The following CYTH3 variants were observed in gnomAD, a reference collection of about 807,000 sequenced individuals.
CYTH3 encodes cytohesin-3.
CYTH3 carries 23 observed loss-of-function variants against 55.1 expected under a neutral mutation model. That is an observed-to-expected ratio of 0.42 (90% CI 0.30 to 0.59). CYTH3 has a LOEUF of 0.59. Ranked by LOEUF, CYTH3 falls within the 20% of genes least tolerant of loss-of-function variation. The pLI is 0.20. For missense variants in CYTH3, 413 were observed against 524.8 expected (o/e 0.79, Z 2.08); for synonymous variants, 249 against 194.9 (o/e 1.28, Z -2.31).
rs370361107 is a variant in CYTH3 at position 6,183,954 on chromosome 7, C to A, written c.249+3096G>T. 1.3e-4 allele frequency among the ~76,000 whole-genome samples: 19 copies of A among 151,316 alleles called. No homozygotes were observed. In the East Asian group the frequency reaches 3.7e-3, roughly 29 times the overall value. On this transcript the variant is annotated intron_variant, in intron 4 of 12. Transcript: ENST00000350796. ...TAGCAAGCCAGGAAGAGAGCCCTCA[C>A]CAGACACCAATCATGCTGGCACCCT...
chr7:6,177,833 G>A lies in CYTH3; in HGVS notation c.358C>T (p.Leu120=). Residue 120 remains leucine (L), a synonymous_variant, in exon 5 of 13, where the codon CTG becomes TTG. Coordinates refer to ENST00000350796, the MANE Select transcript of CYTH3 (RefSeq NM_004227.4). ...CCTCCTCTAACTCACCTTTCACCCA[G>A]GTAGTCCCCAATGACGGTCTTATTT... ...GLNKTVIGDY[L]GERDEFNIKV... 6.2e-7 allele frequency: 1 copy of A among 1,613,500 alleles called. No individual in the cohort carries two copies. The highest frequency in any genetic ancestry group is 8.5e-7 in the Non-Finnish European group (1 of 1,179,450).
In CYTH3 at chr7:6,165,329, C is replaced by G; in HGVS notation, c.1071G>C (p.Val357=). The part of the protein sequence containing the change: ...DGRVVEGNHV[V]YRISAPSPEE... ...CCGGGCTCGGGGCTGAGATCCGGTA[C>G]ACCACATGGTTCCCCTCTACCACGC... Residue 357 remains valine, a synonymous_variant, in exon 12 of 13, where the codon GTG becomes GTC. Coordinates refer to ENST00000350796, the MANE Select transcript of CYTH3 (RefSeq NM_004227.4). 6.2e-7 allele frequency: 1 copy of G among 1,614,118 alleles called. No individual in the cohort carries two copies. Among genetic ancestry groups the G allele is most frequent in the East Asian group, 2.2e-5 (1 of 44,866 alleles).
intron 5 of CYTH3, among the ~76,000 whole-genome samples, chr7:6,175,240 T>C (rs1265250913): frequency 6.6e-6 from 1 of 151,756 alleles, no homozygotes; most frequent in Admixed American, 6.6e-5. Context: ...GCAGTGGGAG[T>C]GGGGAAGGAA....
chr7:6,267,531 A>G (rs1303317928), intron 1 of CYTH3, among the ~76,000 whole-genome samples: 2 of 152,108 alleles, frequency 1.3e-5, no homozygotes, highest in Admixed American at 1.3e-4. Context: ...TCTTCCCAGA[A>G]TATTTTGTTT....
chr7:6,180,415 G>C (rs1027831745), intron 4 of CYTH3, among the ~76,000 whole-genome samples: 1 of 152,234 alleles, frequency 6.6e-6, no homozygotes, highest in Non-Finnish European at 1.5e-5. Flanking sequence ...ATGAGACAGA[G>C]AGGAGAAGGT....
At chr7:6,230,302 G>A (rs1446263749) in intron 1 of CYTH3, among the ~76,000 whole-genome samples, 1 of 152,136 alleles carries the variant, frequency 6.6e-6, no homozygotes, top group African/African-American at 2.4e-5. Flanking sequence ...TGGTGCCTCA[G>A]CTGGAAACTT....
At chr7:6,254,730 G>A (rs1024741849) in intron 1 of CYTH3, among the ~76,000 whole-genome samples, 9 of 152,182 alleles carry the variant, frequency 5.9e-5, no homozygotes, top group African/African-American at 1.4e-4. Flanking sequence ...GATTATAGGC[G>A]TGAGCCATCG....
At chr7:6,208,650 C>G (rs1784254307) in intron 1 of CYTH3, among the ~76,000 whole-genome samples, 1 of 152,242 alleles carries the variant, frequency 6.6e-6, no homozygotes, top group Non-Finnish European at 1.5e-5. Flanking sequence ...CTCAGGCAAT[C>G]ACCCTGCCTC....
chr7:6,234,401 G>C (rs1456178381), intron 1 of CYTH3, among the ~76,000 whole-genome samples: 1 of 152,240 alleles, frequency 6.6e-6, no homozygotes, highest in East Asian at 1.9e-4. Context: ...GAGCCACAGA[G>C]CCTATTGGAG....
chr7:6,214,034 T>A (rs1055240933), intron 1 of CYTH3, among the ~76,000 whole-genome samples: 1 of 152,200 alleles, frequency 6.6e-6, no homozygotes, highest in African/African-American at 2.4e-5. Context: ...TCAGAAGACA[T>A]ATTTTGATTC....
intron 1 of CYTH3, among the ~76,000 whole-genome samples, chr7:6,229,549 C>T (rs1779334042): frequency 6.6e-6 from 1 of 151,826 alleles, no homozygotes; most frequent in Admixed American, 6.6e-5. Context: ...GTGGTTCACG[C>T]CTGTAATCCC....
chr7:6,175,604 A>G (rs982338407), intron 5 of CYTH3, among the ~76,000 whole-genome samples: 9 of 144,430 alleles, frequency 6.2e-5, no homozygotes, highest in African/African-American at 1.0e-4. Context: ...CTGGAGTCCA[A>G]TAACATGATT....
At position 6,169,621 on chromosome 7, in the gene CYTH3, C is replaced by A. The variant is rs1056172271; in HGVS notation, c.823+914G>T. Among the ~76,000 whole-genome samples, 1 of 152,212 alleles carries A rather than the reference C, an allele frequency of 6.6e-6. No individual in the cohort carries two copies. The highest frequency in any genetic ancestry group is 6.6e-5 in the Admixed American group (1 of 15,266). ...GTGAACCCAGCTACCGCATCTCGCC[C>A]GCTTCACTGTGGGCATAAGGCAACC... On this transcript the variant is annotated intron_variant, in intron 9 of 12. Transcript: ENST00000350796. This position sits in a 1 kb window ranked among gnomAD's most constrained non-coding sequence, Gnocchi z 4.1.
rs74562155 is a variant in CYTH3 at position 6,169,413 on chromosome 7, A to G, written c.823+1122T>C. On this transcript the variant is annotated intron_variant, in intron 9 of 12. Coordinates refer to ENST00000350796, the MANE Select transcript of CYTH3 (RefSeq NM_004227.4). This position sits in a 1 kb window ranked among gnomAD's most constrained non-coding sequence, Gnocchi z 4.1. Reference sequence around the variant, plus strand: ...TTTTTTGTAAAGATGGGGTTTCACTATATTGCCCAGGTGGTCTGAAGCTCC... The same window carrying G: ...TTTTTTGTAAAGATGGGGTTTCACTGTATTGCCCAGGTGGTCTGAAGCTCC... Among the ~76,000 whole-genome samples the G allele has an allele frequency of 7.7e-3, 1,175 of 152,104 alleles. 11 individuals are homozygous for G. The highest frequency in any genetic ancestry group is 0.026 in the African/African-American group (1,086 of 41,472).
chr7:6,255,088 C>G (rs574655819), intron 1 of CYTH3, among the ~76,000 whole-genome samples: 1 of 152,166 alleles, frequency 6.6e-6, no homozygotes, highest in African/African-American at 2.4e-5. Flanking sequence ...CTATTACAAT[C>G]GTCGAGATTT....
chr7:6,219,025 A>AC (rs1784488120), intron 1 of CYTH3, among the ~76,000 whole-genome samples: 1 of 150,296 alleles, frequency 6.7e-6, no homozygotes, highest in African/African-American at 2.5e-5. Flanking sequence ...AAAAAAAAAA[A>AC]AACTGCCACT....
intron 10 of CYTH3, 31 bp downstream of exon 10, chr7:6,165,703 G>A (rs1444874795): frequency 1.9e-6 from 3 of 1,614,054 alleles, no homozygotes; most frequent in Non-Finnish European, 2.5e-6. Flanking sequence ...GGACTGCTGG[G>A]AGGCGGCAAG....
rs979299689 is a variant in CYTH3, at chr7:6,258,932, G to C, written c.34+13542C>G. Among the ~76,000 whole-genome samples, 19 of 152,136 alleles carry C rather than the reference G, an allele frequency of 1.2e-4. 1 individual carries two copies. Among genetic ancestry groups the C allele is most frequent in the African/African-American group, 3.9e-4 (16 of 41,440 alleles). The stretch of plus-strand genomic sequence containing the variant: ...AATGTGAAATAATAAATGCAACCCA[G>C]ATGTTCACTAAAAAATGAAAACAAG... On this transcript the variant is annotated intron_variant, in intron 1 of 12. Coordinates refer to ENST00000350796, the MANE Select transcript of CYTH3 (RefSeq NM_004227.4).
At chr7:6,234,598 C>A (rs1435664813) in intron 1 of CYTH3, among the ~76,000 whole-genome samples, 2 of 152,308 alleles carry the variant, frequency 1.3e-5, no homozygotes, top group African/African-American at 4.8e-5. Context: ...CTCGGGACAT[C>A]CCACACCTGT....
Sources: gnomAD v4.1 joint callset for allele counts (sites outside exome capture counted in the v4.1 genomes callset) on GRCh38, gnomAD v4.1.1 for gene constraint, Gnocchi (gnomAD v3.1) non-coding constraint, MANE v1.5 for transcripts, NCBI Gene and HGNC (gene_info 2026-07-23, HGNC 2026-07-21) for gene names.